ATRNL1: variants seen among roughly 807,000 people sequenced by gnomAD.
ATRNL1 encodes attractin like 1, also known as attractin-like protein 1.
Under a neutral mutation model 182.7 loss-of-function variants are expected in ATRNL1, and 95 were observed. The observed-to-expected ratio is 0.52, with a 90% CI of 0.44 to 0.62. The LOEUF (loss-of-function observed/expected upper bound fraction) is 0.62. Among genes scored for constraint, ATRNL1 ranks in the 20% least tolerant of loss-of-function variants. ATRNL1 has a pLI of 0.00. For missense variants in ATRNL1, 1,471 were observed against 1,679.5 expected (o/e 0.88, Z 2.17); for synonymous variants, 576 against 568.3 (o/e 1.01, Z -0.19).
rs543993839 is a variant in ATRNL1 at position 115,513,054 on chromosome 10, G to GT, written c.3655-6204dup. 6.4e-3 allele frequency among the ~76,000 whole-genome samples: 969 copies of GT among 151,938 alleles called. 11 individuals are homozygous for GT. The highest frequency in any genetic ancestry group is 0.01 in the Non-Finnish European group (693 of 67,872). ...AGATTTTTTTGCGATTTGTTTTTTT[G>GT]TTTTTAGCTCATCAGCTATCGTTAG... On this transcript the variant is annotated intron_variant, in intron 24 of 28. Coordinates refer to ENST00000355044, the MANE Select transcript of ATRNL1 (RefSeq NM_207303.4).
At chr10:115,457,954 T>C (rs1398165547) in intron 21 of ATRNL1, among the ~76,000 whole-genome samples, 1 of 152,152 alleles carries the variant, frequency 6.6e-6, no homozygotes, top group African/African-American at 2.4e-5. Flanking sequence ...TACTTATTCT[T>C]CATGCTAATT....
chr10:115,431,572 TTTTA>T (rs1209820672), intron 21 of ATRNL1, among the ~76,000 whole-genome samples: 1 of 152,152 alleles, frequency 6.6e-6, no homozygotes, highest in Non-Finnish European at 1.5e-5. Context: ...TCCCTGTATT[TTTTA>T]TTTATTCCCT....
At chr10:115,803,392 A>G (rs1354962334) in intron 27 of ATRNL1, among the ~76,000 whole-genome samples, 1 of 152,164 alleles carries the variant, frequency 6.6e-6, no homozygotes, top group Non-Finnish European at 1.5e-5. Context: ...GCCATTTCTG[A>G]AATATGAATA....
intron 27 of ATRNL1, among the ~76,000 whole-genome samples, chr10:115,832,342 TCCA>T (rs1555094006): frequency 6.6e-6 from 1 of 152,204 alleles, no homozygotes; most frequent in Non-Finnish European, 1.5e-5. Context: ...CTGCAGAGGC[TCCA>T]CCAACCTAAG....
intron 17 of ATRNL1, among the ~76,000 whole-genome samples, 174 bp downstream of exon 17, chr10:115,302,217 T>C (rs1853507534): frequency 6.6e-6 from 1 of 152,234 alleles, no homozygotes; most frequent in African/African-American, 2.4e-5. Context: ...TATATCATCA[T>C]TTTGCATGCC....
intron 25 of ATRNL1, among the ~76,000 whole-genome samples, chr10:115,548,078 C>G (rs1055605619): frequency 2.0e-5 from 3 of 152,166 alleles, no homozygotes; most frequent in Non-Finnish European, 4.4e-5. Flanking sequence ...GCTTAAGTAG[C>G]TGGATTTGTA....
intron 27 of ATRNL1, among the ~76,000 whole-genome samples, chr10:115,740,219 A>G (rs1030811497): frequency 1.3e-5 from 2 of 152,204 alleles, no homozygotes; most frequent in South Asian, 2.1e-4. Context: ...AAATCTTAAT[A>G]TAGATTTTTT....
rs1176899714 is a variant in ATRNL1 at position 115,737,132 on chromosome 10, G to GTA, written c.3903+9780_3903+9781dup. On this transcript the variant is annotated intron_variant, in intron 27 of 28. Coordinates refer to ENST00000355044, the MANE Select transcript of ATRNL1 (RefSeq NM_207303.4). Reference sequence around the variant, plus strand: ...TGCATTCTCAGCAATGCATTAAAAGGTATACTTCATTGGGTAGGCACGGTG... The same window carrying GTA: ...TGCATTCTCAGCAATGCATTAAAAGGTATATACTTCATTGGGTAGGCACGGTG... 4.0e-5 allele frequency among the ~76,000 whole-genome samples: 6 copies of GTA among 151,834 alleles called. 1 individual carries two copies. Among genetic ancestry groups the GTA allele is most frequent in the Non-Finnish European group, 8.8e-5 (6 of 67,960 alleles).
At chr10:115,511,464 T>C (rs1850382707) in intron 24 of ATRNL1, among the ~76,000 whole-genome samples, 1 of 151,924 alleles carries the variant, frequency 6.6e-6, no homozygotes, top group Non-Finnish European at 1.5e-5. Context: ...CTTCAGTTCG[T>C]TAGATGAACT....
At chr10:115,863,544 A>C (rs1565444965) in intron 28 of ATRNL1, among the ~76,000 whole-genome samples, 1 of 152,204 alleles carries the variant, frequency 6.6e-6, no homozygotes, top group African/African-American at 2.4e-5. Context: ...ACATATGAGG[A>C]AAGTGAGAAG....
intron 24 of ATRNL1, among the ~76,000 whole-genome samples, chr10:115,507,823 A>T (rs180914366): frequency 6.6e-6 from 1 of 152,138 alleles, no homozygotes; most frequent in African/African-American, 2.4e-5. Flanking sequence ...ACTGGTAGGC[A>T]ATGATTCTAG....
At chr10:115,612,422 T>A (rs1555019303) in intron 26 of ATRNL1, among the ~76,000 whole-genome samples, 1 of 152,234 alleles carries the variant, frequency 6.6e-6, no homozygotes, top group African/African-American at 2.4e-5. Context: ...AGATACTCAT[T>A]CTATTCTGGA....
chr10:115,167,092 A>G (rs1847078777), intron 7 of ATRNL1, among the ~76,000 whole-genome samples: 1 of 151,828 alleles, frequency 6.6e-6, no homozygotes, highest in South Asian at 2.1e-4. Flanking sequence ...GTAAGGGTCC[A>G]TTTTCATTCC....
intron 19 of ATRNL1, among the ~76,000 whole-genome samples, chr10:115,355,032 G>T (rs1291603314): frequency 6.6e-6 from 1 of 151,862 alleles, no homozygotes; most frequent in Non-Finnish European, 1.5e-5. Context: ...CAGTGTCTTT[G>T]TTAAATTTCT....
chr10:115,843,191 G>T (rs782701535), intron 27 of ATRNL1, among the ~76,000 whole-genome samples: 3 of 151,986 alleles, frequency 2.0e-5, no homozygotes, highest in African/African-American at 4.8e-5. Flanking sequence ...GCAGAAGCAG[G>T]GCTATACAAC....
intron 26 of ATRNL1, among the ~76,000 whole-genome samples, chr10:115,572,898 G>T (rs1308625770): frequency 6.6e-6 from 1 of 152,108 alleles, no homozygotes; most frequent in Non-Finnish European, 1.5e-5. Flanking sequence ...CTTGAGGGAG[G>T]GGGAGCATGC....
intron 27 of ATRNL1, among the ~76,000 whole-genome samples, chr10:115,728,261 C>T (rs1043329808): frequency 2.3e-5 from 3 of 130,108 alleles, no homozygotes; most frequent in Non-Finnish European, 3.1e-5. Context: ...TGCCACTGCA[C>T]TCCAGCCTGG....
At chr10:115,846,711 A>T (rs1182791064) in intron 27 of ATRNL1, among the ~76,000 whole-genome samples, 1 of 152,078 alleles carries the variant, frequency 6.6e-6, no homozygotes, top group Non-Finnish European at 1.5e-5. Flanking sequence ...ATTTGTGTAC[A>T]CGTGTGTACT....
At chr10:115,211,737 T>C (rs1254754426) in intron 8 of ATRNL1, among the ~76,000 whole-genome samples, 1 of 151,706 alleles carries the variant, frequency 6.6e-6, no homozygotes, top group East Asian at 1.9e-4. Context: ...ACATTAGTTA[T>C]ATCTCCTAAT....
Sources: gnomAD v4.1 joint callset for allele counts (sites outside exome capture counted in the v4.1 genomes callset) on GRCh38, gnomAD v4.1.1 for gene constraint, MANE v1.5 for transcripts, NCBI Gene and HGNC (gene_info 2026-07-23, HGNC 2026-07-21) for gene names.